MEMO1: variants seen among roughly 807,000 people sequenced by gnomAD.
MEMO1 encodes mediator of cell motility 1.
In MEMO1, 6 loss-of-function variants were observed where a neutral mutation model predicts 45.2. The ratio of observed to expected loss-of-function variants is 0.13; its 90% CI spans 0.07 to 0.26. The LOEUF is 0.26. Among genes scored for constraint, MEMO1 ranks in the 10% least tolerant of loss-of-function variants. The probability of loss-of-function intolerance (pLI) is 1.00; values close to 1 mark genes in which losing one functional copy is unlikely to be tolerated. For missense variants in MEMO1, 184 were observed against 370.5 expected, an observed-to-expected ratio of 0.50 and a Z score of 4.13; for synonymous variants, 78 against 124.3, an observed-to-expected ratio of 0.63 and a Z score of 2.48.
chr2:31,953,036 T>C (rs995943308), intron 2 of MEMO1, among the ~76,000 whole-genome samples: 10 of 152,232 alleles, frequency 6.6e-5, no homozygotes, highest in Non-Finnish European at 1.2e-4. Context: ...TAAACAATTC[T>C]GTATTATGTA....
intron 2 of MEMO1, among the ~76,000 whole-genome samples, chr2:31,993,214 T>C (rs890637217): frequency 1.3e-5 from 2 of 152,052 alleles, no homozygotes; most frequent in Admixed American, 6.6e-5. Flanking sequence ...TCAACCTCAC[T>C]CATACTAAGA....
chr2:31,962,324 A>G (rs1668101356), intron 2 of MEMO1, among the ~76,000 whole-genome samples: 1 of 152,134 alleles, frequency 6.6e-6, no homozygotes, highest in Non-Finnish European at 1.5e-5. Context: ...GGGGAAGTCG[A>G]GGCTGCAGTG....
At chr2:31,920,966 T>C (rs1188596136) in intron 4 of MEMO1, 56 bp from the exon 5 acceptor site, 1 of 1,184,766 alleles carries the variant, frequency 8.4e-7, no homozygotes, top group Non-Finnish European at 1.2e-6. Flanking sequence ...ACAAACCTTA[T>C]TAAATAAAAG....
In MEMO1 at chr2:31,969,423, AC is replaced by A. The variant is rs571888995; in HGVS notation, c.62-26041del. 2.3e-3 allele frequency among the ~76,000 whole-genome samples: 273 copies of A among 119,840 alleles called. 2 individuals are homozygous for A. Among genetic ancestry groups the A allele is most frequent in the African/African-American group, 7.3e-3 (264 of 36,242 alleles). 78.6% of individuals were successfully genotyped at this position (119,840 alleles called of 152,430 possible). A position where few individuals can be genotyped will look rare whatever the true frequency, so the allele number is the denominator to read the frequency against. On this transcript the variant is annotated intron_variant, in intron 2 of 9. Coordinates refer to ENST00000404530, the MANE Select transcript of MEMO1 (RefSeq NM_001301833.4). Reference sequence around the variant, plus strand: ...TATATACATATATACACGTATATATACATATATGTGTGTGTATACGCATATA... The same window carrying A: ...TATATACATATATACACGTATATATAATATATGTGTGTGTATACGCATATA...
At chr2:31,963,496 GTAAA>G (rs1313875239) in intron 2 of MEMO1, among the ~76,000 whole-genome samples, 1 of 152,122 alleles carries the variant, frequency 6.6e-6, no homozygotes, top group Non-Finnish European at 1.5e-5. Flanking sequence ...TGGAAAACTG[GTAAA>G]TAAAAGAAAA....
chr2:31,943,929 A>G (rs2148325533), intron 2 of MEMO1, among the ~76,000 whole-genome samples: 1 of 152,274 alleles, frequency 6.6e-6, no homozygotes, highest in East Asian at 1.9e-4. Context: ...TCAATATACT[A>G]ATTTTTCCAG....
chr2:31,969,392 T>TAC (rs200286917), intron 2 of MEMO1, among the ~76,000 whole-genome samples: 1,648 of 149,172 alleles, frequency 0.011, 19 homozygotes, highest in Non-Finnish European at 0.017. Context: ...TGTATATATA[T>TAC]ACGTGTATAT....
chr2:31,961,128 C>T (rs148178408), intron 2 of MEMO1, among the ~76,000 whole-genome samples: 1 of 151,888 alleles, frequency 6.6e-6, no homozygotes, highest in African/African-American at 2.4e-5. Flanking sequence ...GAGGCCAAGG[C>T]GGACAGATCA....
intron 7 of MEMO1, among the ~76,000 whole-genome samples, chr2:31,889,995 G>A (rs1676730244): frequency 6.6e-6 from 1 of 151,886 alleles, no homozygotes; most frequent in African/African-American, 2.4e-5. Flanking sequence ...CAAGAAATCA[G>A]GAGACAAAAC....
At chr2:31,908,206 T>C (rs989118969) in intron 6 of MEMO1, among the ~76,000 whole-genome samples, 1 of 152,190 alleles carries the variant, frequency 6.6e-6, no homozygotes, top group South Asian at 2.1e-4. Context: ...TTCTTGACCC[T>C]TGACCCTCTC....
At chr2:31,884,066 TATA>T (rs1675804698) in intron 7 of MEMO1, among the ~76,000 whole-genome samples, 1 of 151,876 alleles carries the variant, frequency 6.6e-6, no homozygotes, top group African/African-American at 2.4e-5. Context: ...ATAATATAAA[TATA>T]ATAAATATTC....
At chr2:31,915,560 G>A (rs1486670084) in intron 6 of MEMO1, among the ~76,000 whole-genome samples, 1 of 148,336 alleles carries the variant, frequency 6.7e-6, no homozygotes, top group African/African-American at 2.5e-5. Context: ...AAAACAGAAG[G>A]GGGAAAAAAA....
intron 3 of MEMO1, among the ~76,000 whole-genome samples, chr2:31,940,668 A>G (rs2148307561): frequency 6.6e-6 from 1 of 152,258 alleles, no homozygotes; most frequent in African/African-American, 2.4e-5. Flanking sequence ...CCATCTACCA[A>G]GTAGCTAGGA....
intron 6 of MEMO1, among the ~76,000 whole-genome samples, chr2:31,901,208 A>G (rs1678740075): frequency 6.6e-6 from 1 of 151,832 alleles, no homozygotes; most frequent in South Asian, 2.1e-4. Flanking sequence ...CCCTGTCTCT[A>G]CTAAAAACAC....
intron 2 of MEMO1, among the ~76,000 whole-genome samples, chr2:31,993,849 T>TA (rs1672233599): frequency 6.6e-6 from 1 of 151,828 alleles, no homozygotes; most frequent in African/African-American, 2.4e-5. Flanking sequence ...TCCTATTTTT[T>TA]ATCCTAAAAA....
intron 8 of MEMO1, among the ~76,000 whole-genome samples, chr2:31,876,949 G>A (rs1392977067): frequency 3.3e-5 from 5 of 152,110 alleles, no homozygotes; most frequent in Non-Finnish European, 7.3e-5. Context: ...TGGTCTACAC[G>A]TTATCTCTTC....
intron 6 of MEMO1, among the ~76,000 whole-genome samples, chr2:31,899,855 A>G (rs1435938556): frequency 6.6e-6 from 1 of 152,248 alleles, no homozygotes; most frequent in African/African-American, 2.4e-5. Context: ...CAACCCCATC[A>G]AAAAGTAGGC....
At position 31,923,788 on chromosome 2, in the gene MEMO1, A is replaced by C. The variant is rs1164854504; in HGVS notation, c.213-2878T>G. 14 of 1,497,466 alleles carry C rather than the reference A, an allele frequency of 9.3e-6. No individual in the cohort carries two copies. The East Asian group carries it at 3.1e-4, about 33-fold the overall frequency. The allele number at this position is 1,497,466 out of a possible 1,614,324, so 92.8% of individuals were successfully genotyped here. ...ATTTTTAAAATAACAATCTAAATTC[A>C]AGGCATACATAAATTTCCTAAGTAA... On this transcript the variant is annotated intron_variant, in intron 4 of 9. Transcript: ENST00000404530.
At chr2:31,887,857 C>T (rs1676417831) in intron 7 of MEMO1, among the ~76,000 whole-genome samples, 1 of 151,980 alleles carries the variant, frequency 6.6e-6, no homozygotes, top group African/African-American at 2.4e-5. Context: ...GCCTTATACC[C>T]AAGAGACTGA....
Sources: gnomAD v4.1 joint callset for allele counts (sites outside exome capture counted in the v4.1 genomes callset) on GRCh38, gnomAD v4.1.1 for gene constraint, MANE v1.5 for transcripts, NCBI Gene and HGNC (gene_info 2026-07-23, HGNC 2026-07-21) for gene names.